Variants in CADM2 observed in about 807,000 individuals in gnomAD.
CADM2 encodes the protein cell adhesion molecule 2.
CADM2 carries 12 observed loss-of-function variants against 49.8 expected under a neutral mutation model. The ratio of observed to expected loss-of-function variants is 0.24; its 90% CI spans 0.15 to 0.39. The LOEUF (loss-of-function observed/expected upper bound fraction) is 0.39. Among genes scored for constraint, CADM2 ranks in the 10% least tolerant of loss-of-function variants. CADM2 has a pLI of 1.00. For missense variants in CADM2, 378 were observed against 492.3 expected (o/e 0.77, Z 2.20); for synonymous variants, 214 against 175.4 (o/e 1.22, Z -1.74).
chr3:85,126,738 C>T (rs1278362131), intron 1 of CADM2, among the ~76,000 whole-genome samples: 1 of 151,762 alleles, frequency 6.6e-6, no homozygotes, highest in Non-Finnish European at 1.5e-5. Context: ...TGCATCATTT[C>T]TAAAAAAAAG....
chr3:85,098,097 A>G (rs2107537667), intron 1 of CADM2, among the ~76,000 whole-genome samples: 1 of 152,286 alleles, frequency 6.6e-6, no homozygotes, highest in South Asian at 2.1e-4. Flanking sequence ...ATGTTCCAGC[A>G]ACCATGTGAT....
intron 1 of CADM2, among the ~76,000 whole-genome samples, chr3:85,598,127 T>G (rs1371439747): frequency 6.6e-6 from 1 of 152,020 alleles, no homozygotes; most frequent in Non-Finnish European, 1.5e-5. Flanking sequence ...ATATTTGTCA[T>G]TCTTTCTCCC....
chr3:85,022,390 G>C (rs2034547000), intron 1 of CADM2, among the ~76,000 whole-genome samples: 1 of 152,156 alleles, frequency 6.6e-6, no homozygotes, highest in Admixed American at 6.6e-5. Context: ...TTGGGGGATT[G>C]CTCCTCTCTA....
intron 1 of CADM2, among the ~76,000 whole-genome samples, chr3:85,276,602 A>C (rs1413586283): frequency 6.6e-6 from 1 of 151,330 alleles, no homozygotes; most frequent in Non-Finnish European, 1.5e-5. Flanking sequence ...TGAACTAAAA[A>C]TCACGATACT....
intron 1 of CADM2, among the ~76,000 whole-genome samples, chr3:85,655,405 C>T (rs1433226866): frequency 2.0e-5 from 3 of 152,190 alleles, no homozygotes; most frequent in African/African-American, 4.8e-5. Context: ...GTGATCCACC[C>T]GCCTCAACCT....
At chr3:85,992,595 C>T (rs1290216673) in intron 8 of CADM2, 1 of 152,134 alleles carries the variant, frequency 6.6e-6, no homozygotes, top group East Asian at 1.9e-4. Context: ...ATGAGTCTCA[C>T]ACATTTTTGT....
chr3:85,860,744 T>A (rs975041758), intron 3 of CADM2, among the ~76,000 whole-genome samples: 4 of 152,050 alleles, frequency 2.6e-5, no homozygotes, highest in Non-Finnish European at 5.9e-5. Context: ...TCCATCACCT[T>A]GGGAGTTAGG....
intron 1 of CADM2, among the ~76,000 whole-genome samples, chr3:85,695,881 A>G (rs2066537955): frequency 6.6e-6 from 1 of 152,162 alleles, no homozygotes; most frequent in African/African-American, 2.4e-5. Context: ...CCAGCAGCGT[A>G]TAAGCATTCC....
chr3:85,752,807 A>G (rs1249031081), intron 2 of CADM2, among the ~76,000 whole-genome samples: 1 of 152,204 alleles, frequency 6.6e-6, no homozygotes, highest in Non-Finnish European at 1.5e-5. Flanking sequence ...AAGGTAACAC[A>G]AATAGTTTTC....
chr3:85,413,152 A>AAAT (rs2035741928), intron 1 of CADM2, among the ~76,000 whole-genome samples: 1 of 144,032 alleles, frequency 6.9e-6, no homozygotes, highest in South Asian at 2.2e-4. Context: ...AAAAAAAAAA[A>AAAT]AAAAAAAAAA....
intron 1 of CADM2, among the ~76,000 whole-genome samples, chr3:85,417,600 A>C (rs1239940849): frequency 6.6e-6 from 1 of 152,170 alleles, no homozygotes; most frequent in Non-Finnish European, 1.5e-5. Context: ...TAGCTGTTTA[A>C]TTATTTTAAA....
chr3:85,596,392 A>G (rs1028271501), intron 1 of CADM2, among the ~76,000 whole-genome samples: 6 of 152,100 alleles, frequency 3.9e-5, no homozygotes, highest in African/African-American at 1.4e-4. Context: ...TTTTAAGGAA[A>G]TGTATTTAGA....
intron 1 of CADM2, among the ~76,000 whole-genome samples, chr3:85,485,199 T>G (rs994769368): frequency 6.6e-6 from 1 of 151,976 alleles, no homozygotes; most frequent in African/African-American, 2.4e-5. Context: ...ATCAGACAAG[T>G]ATCTAGTAGG....
chr3:85,517,121 A>T (rs986754355), intron 1 of CADM2, among the ~76,000 whole-genome samples: 1 of 151,930 alleles, frequency 6.6e-6, no homozygotes, highest in Non-Finnish European at 1.5e-5. Flanking sequence ...ACAATCATGG[A>T]TCTATAATAA....
At chr3:84,988,784 A>G (rs992556894) in intron 1 of CADM2, among the ~76,000 whole-genome samples, 12 of 152,144 alleles carry the variant, frequency 7.9e-5, no homozygotes, top group Admixed American at 5.9e-4. Flanking sequence ...GCCTTTTCCC[A>G]TATTTCCGTA....
intron 1 of CADM2, among the ~76,000 whole-genome samples, chr3:85,574,116 G>A (rs2062561687): frequency 6.6e-6 from 1 of 152,156 alleles, no homozygotes; most frequent in African/African-American, 2.4e-5. Flanking sequence ...AGGTTGAAGG[G>A]TTAACATTTA....
At chr3:85,850,077 T>G (rs139274842) in intron 3 of CADM2, among the ~76,000 whole-genome samples, 1 of 152,188 alleles carries the variant, frequency 6.6e-6, no homozygotes, top group Non-Finnish European at 1.5e-5. Context: ...TGTTTTCAGG[T>G]CTTGACACAG....
At chr3:86,047,595 A>G (rs966876969) in intron 8 of CADM2, among the ~76,000 whole-genome samples, 1 of 152,154 alleles carries the variant, frequency 6.6e-6, no homozygotes, top group Non-Finnish European at 1.5e-5. Context: ...AAGTAAAGTA[A>G]AAGCTTAGTT....
intron 8 of CADM2, chr3:86,014,692 C>T: frequency 6.5e-7 from 1 of 1,536,756 alleles, no homozygotes; most frequent in Non-Finnish European, 8.8e-7. Flanking sequence ...AAATTCAATA[C>T]ACCGGAGGAA....
Sources: gnomAD v4.1 joint callset for allele counts (sites outside exome capture counted in the v4.1 genomes callset) on GRCh38, gnomAD v4.1.1 for gene constraint, MANE v1.5 for transcripts, NCBI Gene and HGNC (gene_info 2026-07-23, HGNC 2026-07-21) for gene names.